The following AGO2 variants were observed in gnomAD, a reference collection of about 807,000 sequenced individuals.
AGO2 encodes argonaute RISC catalytic component 2.
A neutral mutation model predicts 102.3 loss-of-function variants in AGO2; 5 were observed. The ratio of observed to expected loss-of-function variants is 0.05; its 90% confidence interval spans 0.03 to 0.10. AGO2 has a LOEUF of 0.10. AGO2 is among the 10% of genes least tolerant of loss of function. The pLI, the probability that AGO2 is intolerant of heterozygous loss-of-function variation, is 1.00. For synonymous variants in AGO2, 449 were observed against 473.1 expected (o/e 0.95, Z 0.66); for missense variants, 541 against 1,183.7 (o/e 0.46, Z 7.97).
intron 1 of AGO2, among the ~76,000 whole-genome samples, chr8:140,606,660 G>T (rs1046626629): frequency 1.3e-5 from 2 of 152,210 alleles, no homozygotes; most frequent in African/African-American, 2.4e-5. Flanking sequence ...TAATTGGCTG[G>T]GCGCGGTGGC....
chr8:140,537,623 T>G (rs1413831048), intron 16 of AGO2, among the ~76,000 whole-genome samples: 4 of 151,834 alleles, frequency 2.6e-5, no homozygotes, highest in Non-Finnish European at 5.9e-5. Flanking sequence ...TCCTTAGTTT[T>G]TCATTTTTGT....
At chr8:140,544,619 C>T (rs1436297373) in intron 13 of AGO2, among the ~76,000 whole-genome samples, 1 of 152,170 alleles carries the variant, frequency 6.6e-6, no homozygotes, top group Non-Finnish European at 1.5e-5. Flanking sequence ...CCTCTACTCC[C>T]TCTGCAGCCA....
At chr8:140,585,844 T>A (rs936263888) in intron 1 of AGO2, among the ~76,000 whole-genome samples, 5 of 152,104 alleles carry the variant, frequency 3.3e-5, no homozygotes, top group Non-Finnish European at 5.9e-5. Context: ...CTTCTCCATT[T>A]AAAAAAAATC....
Position 140,557,206 on chromosome 8 carries a change from C to T in AGO2, c.909G>A (p.Thr303=), listed in dbSNP as rs1160560384. The T allele has an allele frequency of 4.3e-6, 7 of 1,613,714 alleles. No individual in the cohort carries two copies. The highest frequency in any genetic ancestry group is 2.7e-5 in the African/African-American group (2 of 74,906). Residue 303 remains threonine (T), a synonymous_variant, in exon 8 of 19, where the codon ACG becomes ACA. Coordinates refer to ENST00000220592, the MANE Select transcript of AGO2 (RefSeq NM_012154.5). The surrounding 1 kb of genome is among the most constrained non-coding windows in gnomAD (Gnocchi z 5.9). ...TFPLQQESGQ[T]VECTVAQYFK... ...AATACTGGGCCACCGTGCACTCCACCGTCTGCCCGCTCTCCTGCTGCAGCG... is the reference window on the plus strand; with the variant it reads ...AATACTGGGCCACCGTGCACTCCACTGTCTGCCCGCTCTCCTGCTGCAGCG...
intron 10 of AGO2, among the ~76,000 whole-genome samples, chr8:140,553,338 C>T (rs963340139): frequency 4.6e-5 from 7 of 151,840 alleles, no homozygotes; most frequent in Admixed American, 2.0e-4. Flanking sequence ...GAGCTATGAC[C>T]GCGTCACTGC....
chr8:140,590,803 G>A (rs1406058524), intron 1 of AGO2, among the ~76,000 whole-genome samples: 1 of 152,216 alleles, frequency 6.6e-6, no homozygotes, highest in Non-Finnish European at 1.5e-5. Flanking sequence ...CACAGGCTCA[G>A]AGAATACGTT....
rs147180507 is a variant in AGO2 at position 140,532,232 on chromosome 8, G to T, written c.2472-80C>A. On this transcript the variant is annotated intron_variant, in intron 18 of 18. Transcript: ENST00000220592. ...GGCAGTGCGTCGATCACTAAGTCGG[G>T]ATGGCATGGCGGGAACCTGGGAGAG... 2.7e-4 allele frequency: 400 copies of T among 1,465,736 alleles called. 6 individuals carry two copies. In the East Asian group the frequency reaches 7.7e-3, roughly 28 times the overall value. The allele number at this position is 1,465,736 out of a possible 1,614,324, so 90.8% of individuals were successfully genotyped here. A position where few individuals can be genotyped will look rare whatever the true frequency, so the allele number is the denominator to read the frequency against.
chr8:140,576,338 A>T (rs1171797002), intron 2 of AGO2, among the ~76,000 whole-genome samples: 2 of 152,206 alleles, frequency 1.3e-5, no homozygotes, highest in African/African-American at 4.8e-5. Context: ...ACAAAAACAA[A>T]AAGATGAGCA....
intron 3 of AGO2, among the ~76,000 whole-genome samples, chr8:140,564,070 A>G (rs1365797463): frequency 6.6e-6 from 1 of 152,226 alleles, no homozygotes; most frequent in Non-Finnish European, 1.5e-5. Flanking sequence ...CCGCGCCCCG[A>G]GGACCATCTG....
Position 140,568,287 on chromosome 8 carries a change from G to GAGAAAAAA in AGO2, c.336+4524_336+4525insTTTTTTCT, listed in dbSNP as rs1554705213. ...TGACAGAGCGAGACCATGTCTGGGGGAAAAAAAAAAAAAGAGAGAGCACAA... is the reference window on the plus strand; with the variant it reads ...TGACAGAGCGAGACCATGTCTGGGGGAGAAAAAAAAAAAAAAAAAAAGAGAGAGCACAA... On this transcript the variant is annotated intron_variant, in intron 3 of 18. Coordinates refer to ENST00000220592, the MANE Select transcript of AGO2 (RefSeq NM_012154.5). 5.3e-4 allele frequency among the ~76,000 whole-genome samples: 70 copies of GAGAAAAAA among 132,076 alleles called. 1 individual carries two copies. Among genetic ancestry groups the GAGAAAAAA allele is most frequent in the African/African-American group, 2.0e-3 (67 of 32,800 alleles). The allele number at this position is 132,076 out of a possible 152,430, so 86.6% of individuals were successfully genotyped here.
At chr8:140,601,402 C>T (rs538580615) in intron 1 of AGO2, among the ~76,000 whole-genome samples, 3 of 152,370 alleles carry the variant, frequency 2.0e-5, no homozygotes, top group Non-Finnish European at 2.9e-5. Flanking sequence ...CGCTTGCCAC[C>T]TGGCACACTA....
chr8:140,638,335 G>A (rs1045944967), upstream of AGO2: 10 of 152,354 alleles, frequency 6.6e-5, no homozygotes, highest in Non-Finnish European at 1.0e-4. Context: ...AAATTGGGAA[G>A]CACTGGATCA....
At position 140,557,687 on chromosome 8, in the gene AGO2, G is replaced by A. The variant is rs1454850360; in HGVS notation, c.879-451C>T. Among the ~76,000 whole-genome samples, 4 of 152,262 alleles carry A rather than the reference G, an allele frequency of 2.6e-5. No individual in the cohort carries two copies. The highest frequency in any genetic ancestry group is 1.9e-4 in the East Asian group (1 of 5,204). Reference sequence around the variant, plus strand: ...CACGGTGACGGCAGGAGACGCCTGGGTGCAGTATGGGTGAGTGAGGGGGAG... The same window carrying A: ...CACGGTGACGGCAGGAGACGCCTGGATGCAGTATGGGTGAGTGAGGGGGAG... On this transcript the variant is annotated intron_variant, in intron 7 of 18. Transcript: ENST00000220592. This position sits in a 1 kb window ranked among gnomAD's most constrained non-coding sequence, Gnocchi z 5.9.
rs2072443757 is a variant in AGO2 at position 140,523,094 on chromosome 8, T to C, written c.*8950A>G. The C allele has an allele frequency of 6.6e-6, 1 of 152,200 alleles. No individual in the cohort carries two copies. Among genetic ancestry groups the C allele is most frequent in the South Asian group, 2.1e-4 (1 of 4,834 alleles). 9.4% of individuals were successfully genotyped at this position (152,200 alleles called of 1,614,324 possible). ...GCCAATGTATATAAATAAGAGTTTA[T>C]ACAGAAACTGCCAATTCACAAAACA... On this transcript the variant is annotated 3_prime_UTR_variant, in exon 19 of 19. Coordinates refer to ENST00000220592, the MANE Select transcript of AGO2 (RefSeq NM_012154.5).
At chr8:140,609,039 G>C (rs955358364) in intron 1 of AGO2, among the ~76,000 whole-genome samples, 7 of 152,186 alleles carry the variant, frequency 4.6e-5, no homozygotes, top group African/African-American at 1.7e-4. Flanking sequence ...TGCAGATCTG[G>C]TAAGCATCTC....
chr8:140,546,046 G>C (rs984222568), intron 13 of AGO2, among the ~76,000 whole-genome samples: 5 of 152,198 alleles, frequency 3.3e-5, no homozygotes, highest in Non-Finnish European at 7.3e-5. Flanking sequence ...TTCCGGCCCG[G>C]TGCTGCCCAC....
chr8:140,521,243 A>G lies in AGO2; in HGVS notation c.*10801T>C, dbSNP rs2072411988. On this transcript the variant is annotated 3_prime_UTR_variant, in exon 19 of 19. Transcript: ENST00000220592. ...AAGAATGCTGATCATCTTATGCAGCATACTAAAGGATGATTTACTCTTTAC... is the reference window on the plus strand; with the variant it reads ...AAGAATGCTGATCATCTTATGCAGCGTACTAAAGGATGATTTACTCTTTAC... The G allele has an allele frequency of 6.6e-6, 1 of 152,236 alleles. No individual in the cohort carries two copies. Among genetic ancestry groups the G allele is most frequent in the African/African-American group, 2.4e-5 (1 of 41,468 alleles). 9.4% of individuals were successfully genotyped at this position (152,236 alleles called of 1,614,324 possible). A position where few individuals can be genotyped will look rare whatever the true frequency, so the allele number is the denominator to read the frequency against.
In AGO2 at chr8:140,556,141, CA is replaced by C. The variant is rs1046146930; in HGVS notation, c.1146+25del. On this transcript the variant is annotated intron_variant, in intron 9 of 18. Transcript: ENST00000220592. ...GGCAACCGGACTGGATTCCACAGGGCAGCCCTGCCCGGGACTGACACTCACC... is the reference window on the plus strand; with the variant it reads ...GGCAACCGGACTGGATTCCACAGGGCGCCCTGCCCGGGACTGACACTCACC... 2.5e-6 allele frequency: 4 copies of C among 1,613,604 alleles called. No homozygotes were observed. In the African/African-American group the frequency reaches 5.3e-5, roughly 22 times the overall value.
In AGO2 at chr8:140,572,872, G is replaced by A. The variant is rs371401188; in HGVS notation, c.276C>T (p.Pro92=). ...FKTQIFGDRK[P]VFDGRKNLYT... ...ATAGATTCTTCCTGCCGTCAAACAC[G>A]GGCTTCCGATCCCCAAAGATCTGTG... The change falls in exon 3 of 19, where the codon CCC becomes CCT. Residue 92 remains proline (P), a synonymous_variant. Transcript: ENST00000220592. The A allele has an allele frequency of 2.2e-5, 35 of 1,613,940 alleles. No individual in the cohort carries two copies. The highest frequency in any genetic ancestry group is 1.5e-4 in the African/African-American group (11 of 74,896).
Sources: gnomAD v4.1 joint callset for allele counts (sites outside exome capture counted in the v4.1 genomes callset) on GRCh38, gnomAD v4.1.1 for gene constraint, Gnocchi (gnomAD v3.1) non-coding constraint, MANE v1.5 for transcripts, NCBI Gene and HGNC (gene_info 2026-07-23, HGNC 2026-07-21) for gene names.